Variants in GALNTL6 observed in about 807,000 individuals in gnomAD.
GALNTL6 encodes the protein polypeptide N-acetylgalactosaminyltransferase-like 6.
A neutral mutation model predicts 73.7 loss-of-function variants in GALNTL6; 46 were observed. The ratio of observed to expected loss-of-function variants is 0.62; its 90% confidence interval spans 0.49 to 0.80. The LOEUF (loss-of-function observed/expected upper bound fraction) is 0.80, where lower values mean the gene tolerates loss of function less well. GALNTL6 is among the 30% of genes least tolerant of loss of function. The pLI is 0.00. For missense variants in GALNTL6, 604 were observed against 755.0 expected (o/e 0.80, Z 2.34); for synonymous variants, 259 against 263.7 (o/e 0.98, Z 0.17).
At chr4:172,270,619 G>A (rs969298777) in intron 3 of GALNTL6, among the ~76,000 whole-genome samples, 2 of 152,106 alleles carry the variant, frequency 1.3e-5, no homozygotes, top group African/African-American at 4.8e-5. Context: ...ACTCAGAGCT[G>A]TGGGAATAGG....
intron 5 of GALNTL6, among the ~76,000 whole-genome samples, chr4:172,568,100 A>G (rs1736625048): frequency 6.6e-6 from 1 of 152,096 alleles, no homozygotes; most frequent in Non-Finnish European, 1.5e-5. Context: ...TAAAAATCCT[A>G]TTTTCTGTGC....
chr4:172,987,186 G>A (rs189424087), intron 10 of GALNTL6, among the ~76,000 whole-genome samples: 3 of 152,246 alleles, frequency 2.0e-5, no homozygotes, highest in East Asian at 3.9e-4. Flanking sequence ...ATCCAAGACT[G>A]AATAATTTAT....
intron 2 of GALNTL6, among the ~76,000 whole-genome samples, chr4:171,951,088 T>C (rs1222855554): frequency 1.3e-5 from 2 of 152,154 alleles, no homozygotes; most frequent in Non-Finnish European, 2.9e-5. Flanking sequence ...AAGGAACAGA[T>C]TGTCATATTA....
chr4:172,691,457 G>A (rs1300124014), intron 5 of GALNTL6, among the ~76,000 whole-genome samples: 2 of 152,128 alleles, frequency 1.3e-5, no homozygotes, highest in Non-Finnish European at 2.9e-5. Flanking sequence ...GTCTAAAGAA[G>A]GAGTTATTTT....
At chr4:172,631,320 A>G (rs1202363353) in intron 5 of GALNTL6, among the ~76,000 whole-genome samples, 3 of 151,516 alleles carry the variant, frequency 2.0e-5, no homozygotes, top group African/African-American at 7.3e-5. Context: ...GATTTTTTGT[A>G]TTTTAGCAGA....
chr4:172,405,429 ATATATATATATATATTTTTT>A (rs1444414312), intron 5 of GALNTL6, among the ~76,000 whole-genome samples: 41 of 16,252 alleles, frequency 2.5e-3, no homozygotes, highest in African/African-American at 4.6e-3. Context: ...ATATATATAT[ATATATATATATATATTTTTT>A]TTTTTTTTTT....
intron 5 of GALNTL6, among the ~76,000 whole-genome samples, chr4:172,756,938 G>T (rs28727534): frequency 0.31 from 47,241 of 152,038 alleles, 7,961 homozygotes; most frequent in Middle Eastern, 0.46. Flanking sequence ...TTTTTTGAAA[G>T]ATTACATTGA....
intron 5 of GALNTL6, among the ~76,000 whole-genome samples, chr4:172,383,489 A>G (rs569632358): frequency 1.3e-5 from 2 of 152,070 alleles, no homozygotes; most frequent in Non-Finnish European, 2.9e-5. Flanking sequence ...ATTAGTTCTA[A>G]TTTTTGTGTG....
chr4:172,021,026 A>G (rs866343714), intron 2 of GALNTL6, among the ~76,000 whole-genome samples: 3 of 152,062 alleles, frequency 2.0e-5, no homozygotes, highest in Non-Finnish European at 4.4e-5. Context: ...TGTGATACAT[A>G]TCAACAGAAT....
At chr4:172,569,140 T>C (rs1260410248) in intron 5 of GALNTL6, among the ~76,000 whole-genome samples, 1 of 152,214 alleles carries the variant, frequency 6.6e-6, no homozygotes, top group African/African-American at 2.4e-5. Flanking sequence ...CTAGACTGGA[T>C]GGCTTATAAA....
At chr4:172,211,188 C>T (rs1197869644) in intron 2 of GALNTL6, among the ~76,000 whole-genome samples, 2 of 152,120 alleles carry the variant, frequency 1.3e-5, no homozygotes, top group Non-Finnish European at 2.9e-5. Flanking sequence ...CCAGTTCAGT[C>T]ATATAATCAA....
chr4:172,105,188 A>C (rs1388551561), intron 2 of GALNTL6, among the ~76,000 whole-genome samples: 1 of 152,234 alleles, frequency 6.6e-6, no homozygotes, highest in Non-Finnish European at 1.5e-5. Context: ...TTCTAGAAAT[A>C]AAAATATGAT....
intron 5 of GALNTL6, among the ~76,000 whole-genome samples, chr4:172,792,077 T>C (rs561802539): frequency 6.6e-6 from 1 of 152,336 alleles, no homozygotes; most frequent in East Asian, 1.9e-4. Context: ...CCAGGATAAC[T>C]TGATAATATC....
intron 2 of GALNTL6, among the ~76,000 whole-genome samples, chr4:172,053,191 A>G (rs1021862842): frequency 2.0e-5 from 3 of 152,264 alleles, no homozygotes; most frequent in African/African-American, 7.2e-5. Flanking sequence ...CAGAATACCA[A>G]ATTTTAGTGA....
intron 5 of GALNTL6, among the ~76,000 whole-genome samples, chr4:172,638,776 T>A (rs193044647): frequency 1.3e-5 from 2 of 152,306 alleles, no homozygotes; most frequent in Non-Finnish European, 2.9e-5. Flanking sequence ...TTTTTTACTA[T>A]GGAATTTAAT....
chr4:172,349,582 A>G (rs1478328784), intron 5 of GALNTL6, among the ~76,000 whole-genome samples: 1 of 152,018 alleles, frequency 6.6e-6, no homozygotes, highest in African/African-American at 2.4e-5. Context: ...CAAAAGATAG[A>G]CTGCTTGGTG....
intron 2 of GALNTL6, among the ~76,000 whole-genome samples, chr4:172,084,640 G>T (rs1448140335): frequency 1.3e-5 from 2 of 152,046 alleles, no homozygotes; most frequent in African/African-American, 4.8e-5. Context: ...TTTTATTTAT[G>T]CAGTTTAGCC....
intron 5 of GALNTL6, among the ~76,000 whole-genome samples, chr4:172,523,070 T>C (rs1019209930): frequency 2.0e-5 from 3 of 152,198 alleles, no homozygotes; most frequent in Non-Finnish European, 4.4e-5. Context: ...TCTCTAAACA[T>C]TTTGTCTCTT....
At chr4:172,388,833 C>T (rs549581969) in intron 5 of GALNTL6, among the ~76,000 whole-genome samples, 45 of 152,068 alleles carry the variant, frequency 3.0e-4, no homozygotes, top group Non-Finnish European at 5.4e-4. Context: ...TCGGGGGTAG[C>T]GGGTACCATA....
Sources: gnomAD v4.1 joint callset for allele counts (sites outside exome capture counted in the v4.1 genomes callset) on GRCh38, gnomAD v4.1.1 for gene constraint, MANE v1.5 for transcripts, NCBI Gene and HGNC (gene_info 2026-07-23, HGNC 2026-07-21) for gene names.